Variants in SNX24 observed in about 807,000 individuals in gnomAD.
The protein encoded by SNX24 is sorting nexin-24.
In SNX24, 22 loss-of-function variants were observed where a neutral mutation model predicts 28.7. That is an observed-to-expected ratio of 0.77 (90% CI 0.55 to 1.10). The LOEUF (loss-of-function observed/expected upper bound fraction) is 1.10. SNX24 is among the 50% of genes least tolerant of loss of function. SNX24 has a pLI of 0.00. For synonymous variants in SNX24, 69 were observed against 71.5 expected (o/e 0.96, Z 0.18); for missense variants, 221 against 201.1 (o/e 1.10, Z -0.60).
chr5:122,863,197 G>A (rs905881978), intron 1 of SNX24, among the ~76,000 whole-genome samples: 2 of 152,094 alleles, frequency 1.3e-5, no homozygotes, highest in African/African-American at 2.4e-5. Context: ...AAAGAGTGCT[G>A]GGGGATCATC....
At position 122,985,236 on chromosome 5, in the gene SNX24, T is replaced by C. The variant is rs576657149; in HGVS notation, c.250-14676T>C. The stretch of plus-strand genomic sequence containing the variant: ...ACATAGTCAGCCACAGCATGACCTT[T>C]CACCAGAGCTTGAGAGAGGCACTGT... On this transcript the variant is annotated intron_variant, in intron 3 of 6. Coordinates refer to ENST00000261369, the MANE Select transcript of SNX24 (RefSeq NM_014035.4). Among the ~76,000 whole-genome samples the C allele has an allele frequency of 5.9e-5, 9 of 152,204 alleles. No individual in the cohort carries two copies. The East Asian group carries it at 1.8e-3, about 30-fold the overall frequency.
At chr5:122,937,403 C>T (rs537628572) in intron 2 of SNX24, among the ~76,000 whole-genome samples, 2 of 151,984 alleles carry the variant, frequency 1.3e-5, no homozygotes, top group African/African-American at 2.4e-5. Context: ...CTTAGATAAA[C>T]GAAACAGAAA....
intron 1 of SNX24, among the ~76,000 whole-genome samples, chr5:122,911,829 A>C (rs1196835231): frequency 1.5e-5 from 2 of 132,950 alleles, no homozygotes; most frequent in Admixed American, 7.9e-5. Context: ...ATTGATCTAT[A>C]TCTCTGTTTT....
chr5:122,993,297 C>CTTTTTT (rs34422739), intron 3 of SNX24, among the ~76,000 whole-genome samples: 2 of 114,218 alleles, frequency 1.8e-5, no homozygotes, highest in East Asian at 4.5e-4. Context: ...TAGTGGCTGC[C>CTTTTTT]TTTTTTTTTT....
chr5:123,014,909 T>C (rs1370614007), intron 5 of SNX24, among the ~76,000 whole-genome samples: 1 of 152,138 alleles, frequency 6.6e-6, no homozygotes, highest in African/African-American at 2.4e-5. Context: ...TTTTCATCCT[T>C]CTTCAAAGGC....
downstream of SNX24, among the ~76,000 whole-genome samples, chr5:123,014,189 T>TG (rs1485416508): frequency 2.6e-5 from 4 of 152,040 alleles, no homozygotes; most frequent in African/African-American, 9.7e-5. Flanking sequence ...TTTTTGGAGA[T>TG]GGGGTCTCCC....
At chr5:122,873,800 T>C (rs1184851021) in intron 1 of SNX24, among the ~76,000 whole-genome samples, 1 of 148,824 alleles carries the variant, frequency 6.7e-6, no homozygotes, top group Non-Finnish European at 1.5e-5. Context: ...AGTTTCACTC[T>C]TGTCACCCAG....
chr5:122,976,501 A>C (rs753270638), intron 3 of SNX24, among the ~76,000 whole-genome samples: 6 of 152,234 alleles, frequency 3.9e-5, no homozygotes, highest in Non-Finnish European at 7.3e-5. Flanking sequence ...CTGTAGAAGT[A>C]CAAGGATGAA....
intron 3 of SNX24, among the ~76,000 whole-genome samples, chr5:122,987,587 T>G (rs1761656677): frequency 1.3e-5 from 2 of 152,170 alleles, no homozygotes; most frequent in South Asian, 4.1e-4. Context: ...AACTGAGCTG[T>G]CCCGAGTACA....
chr5:122,853,668 G>A (rs369975552), intron 1 of SNX24: 258 of 371,648 alleles, frequency 6.9e-4, no homozygotes, highest in Non-Finnish European at 9.1e-4. Flanking sequence ...AATTTTTTTC[G>A]TACAGGTGAG....
At chr5:123,009,331 TATG>T (rs540925794), downstream of SNX24, 82 of 450,694 alleles carry the variant, frequency 1.8e-4, no homozygotes, top group Middle Eastern at 2.2e-3. Flanking sequence ...TTATTTCTAA[TATG>T]ATAAGATAAA....
At chr5:122,896,526 G>C (rs1385810136) in intron 1 of SNX24, among the ~76,000 whole-genome samples, 2 of 152,178 alleles carry the variant, frequency 1.3e-5, no homozygotes, top group African/African-American at 4.8e-5. Flanking sequence ...CTCCTGTCCT[G>C]TCAAGCCACA....
At chr5:122,918,417 C>T (rs1214420186) in intron 1 of SNX24, among the ~76,000 whole-genome samples, 1 of 152,142 alleles carries the variant, frequency 6.6e-6, no homozygotes, top group Non-Finnish European at 1.5e-5. Flanking sequence ...AGTTGCGTCC[C>T]CCATTTACAT....
intron 1 of SNX24, among the ~76,000 whole-genome samples, chr5:122,852,270 A>G (rs1166731885): frequency 1.3e-5 from 2 of 151,270 alleles, no homozygotes; most frequent in Non-Finnish European, 2.9e-5. Context: ...ACTATTTTGT[A>G]TTTTTGAGAA....
At chr5:122,849,242 G>A (rs1244276675) in intron 1 of SNX24, among the ~76,000 whole-genome samples, 3 of 152,100 alleles carry the variant, frequency 2.0e-5, no homozygotes, top group Non-Finnish European at 4.4e-5. Flanking sequence ...ATGAATTTTT[G>A]CCCTTTAAAC....
chr5:122,845,748 C>A, intron 1 of SNX24, 55 bp downstream of exon 1: 3 of 1,152,624 alleles, frequency 2.6e-6, no homozygotes, highest in Non-Finnish European at 3.4e-6. Flanking sequence ...GCGGCTGCTG[C>A]GCCCAGGAAA....
intron 5 of SNX24, among the ~76,000 whole-genome samples, chr5:123,020,271 A>C (rs949785227): frequency 6.6e-6 from 1 of 152,252 alleles, no homozygotes; most frequent in Non-Finnish European, 1.5e-5. Flanking sequence ...TATTAAAAAG[A>C]AATGTACCCT....
At chr5:123,027,640 C>G (rs1310464138) in intron 5 of SNX24, among the ~76,000 whole-genome samples, 1 of 152,288 alleles carries the variant, frequency 6.6e-6, no homozygotes, top group African/African-American at 2.4e-5. Flanking sequence ...GTAATCTTCA[C>G]AAAGTGCCTG....
intron 1 of SNX24, among the ~76,000 whole-genome samples, chr5:122,893,285 AT>A (rs796824563): frequency 0.03 from 4,373 of 145,068 alleles, 177 homozygotes; most frequent in African/African-American, 0.088. Context: ...ACATGACCCC[AT>A]TTTTTTTTTT....
Sources: gnomAD v4.1 joint callset for allele counts (sites outside exome capture counted in the v4.1 genomes callset) on GRCh38, gnomAD v4.1.1 for gene constraint, MANE v1.5 for transcripts, NCBI Gene and HGNC (gene_info 2026-07-23, HGNC 2026-07-21) for gene names.